PLEKHH2: variants seen among roughly 807,000 people sequenced by gnomAD.
PLEKHH2 encodes pleckstrin homology domain-containing family H member 2.
In PLEKHH2, 129 loss-of-function variants were observed where a neutral mutation model predicts 187.9. The ratio of observed to expected loss-of-function variants is 0.69; its 90% CI spans 0.59 to 0.79. The LOEUF is 0.79. Among genes scored for constraint, PLEKHH2 ranks in the 30% least tolerant of loss-of-function variants. PLEKHH2 has a pLI of 0.00. For missense variants in PLEKHH2, 2,076 were observed against 1,751.2 expected, an observed-to-expected ratio of 1.19 and a Z score of -3.31; for synonymous variants, 686 against 605.6, an observed-to-expected ratio of 1.13 and a Z score of -1.95.
chr2:43,659,337 G>C (rs1222391864), intron 2 of PLEKHH2, among the ~76,000 whole-genome samples: 1 of 151,208 alleles, frequency 6.6e-6, no homozygotes, highest in African/African-American at 2.4e-5. Context: ...GGTCGTTCTT[G>C]TTTAACACCT....
chr2:43,697,217 G>A lies in PLEKHH2; in HGVS notation c.549G>A (p.Ser183=), dbSNP rs573104156. The change falls in exon 7 of 30, where the codon TCG becomes TCA. Residue 183 remains serine, a synonymous_variant. Transcript: ENST00000282406. The part of the protein sequence containing the change: ...KSSTVSTLKL[S]EGQRLSSLTF... ...CCACTGTCTCTACACTAAAGCTTTCGGAAGGCCAGCGCCTGAGCAGTTTGA... is the reference window on the plus strand; with the variant it reads ...CCACTGTCTCTACACTAAAGCTTTCAGAAGGCCAGCGCCTGAGCAGTTTGA... 1.6e-5 allele frequency: 25 copies of A among 1,612,402 alleles called. No homozygotes were observed. The highest frequency in any genetic ancestry group is 6.7e-5 in the Admixed American group (4 of 59,780).
chr2:43,749,150 TAA>T (rs373457792), intron 24 of PLEKHH2, among the ~76,000 whole-genome samples: 36 of 152,286 alleles, frequency 2.4e-4, no homozygotes, highest in African/African-American at 8.4e-4. Flanking sequence ...GAAATTTGGA[TAA>T]AATTTGGATA....
At chr2:43,641,767 G>T (rs1665945999) in intron 1 of PLEKHH2, among the ~76,000 whole-genome samples, 1 of 152,100 alleles carries the variant, frequency 6.6e-6, no homozygotes, top group Non-Finnish European at 1.5e-5. Flanking sequence ...TCCCCCATTG[G>T]ATGATCTTAT....
In PLEKHH2 at chr2:43,713,118, G is replaced by C. The variant is rs377040795; in HGVS notation, c.2460+735G>C. Among the ~76,000 whole-genome samples the C allele has an allele frequency of 3.9e-5, 4 of 102,594 alleles. No homozygotes were observed. In the South Asian group the frequency reaches 7.9e-4, roughly 20 times the overall value. 67.3% of individuals were successfully genotyped at this position (102,594 alleles called of 152,430 possible). On this transcript the variant is annotated intron_variant, in intron 15 of 29. Transcript: ENST00000282406. ...CAAATCAACACACACACACACACACGCATATATATCTCCTTTGATCCAGCA... is the reference window on the plus strand; with the variant it reads ...CAAATCAACACACACACACACACACCCATATATATCTCCTTTGATCCAGCA...
chr2:43,720,752 A>G lies in PLEKHH2; in HGVS notation c.2541+3A>G, dbSNP rs755768117. ...ATTTTCGGAGTCAAGAAGATAAGGT[A>G]TGTATGTATTTTTAATATGCCAATT... On this transcript the variant is annotated splice_donor_region_variant and intron_variant, in intron 16 of 29. Coordinates refer to ENST00000282406, the MANE Select transcript of PLEKHH2 (RefSeq NM_172069.4). The G allele has an allele frequency of 1.3e-5, 21 of 1,599,714 alleles. No individual in the cohort carries two copies. The highest frequency in any genetic ancestry group is 1.8e-5 in the Non-Finnish European group (21 of 1,175,944).
Position 43,700,357 on chromosome 2 carries a change from A to G in PLEKHH2, c.1399A>G (p.Arg467Gly), listed in dbSNP as rs1329149259. ...AAGCCAGCCACAGTTAAGCTCTGAC[A>G]GGATGTTTGGTACAAATAGAAACGC... is the stretch of plus-strand genomic sequence containing the variant. ...HLSQPQLSSDRMFGTNRNAIS... is the reference protein window; with the variant it reads ...HLSQPQLSSDGMFGTNRNAIS... The change falls in exon 8 of 30, where the codon AGG becomes GGG. Residue 467 changes from arginine to glycine, a missense_variant. Coordinates refer to ENST00000282406, the MANE Select transcript of PLEKHH2 (RefSeq NM_172069.4). 1.2e-6 allele frequency: 2 copies of G among 1,614,220 alleles called. No individual in the cohort carries two copies. The highest frequency in any genetic ancestry group is 1.1e-5 in the South Asian group (1 of 91,078).
chr2:43,672,419 G>A (rs1259742880), intron 2 of PLEKHH2, among the ~76,000 whole-genome samples: 1 of 151,488 alleles, frequency 6.6e-6, no homozygotes, highest in Non-Finnish European at 1.5e-5. Context: ...ATTTCTGTTG[G>A]CTTTAGGTTT....
chr2:43,764,593 C>CCCTA (rs554268576), intron 29 of PLEKHH2, among the ~76,000 whole-genome samples: 140 of 152,244 alleles, frequency 9.2e-4, no homozygotes, highest in Non-Finnish European at 1.3e-3. Flanking sequence ...GTAACATACT[C>CCCTA]CCTACTTCTT....
chr2:43,756,821 T>G (rs1451969442), intron 25 of PLEKHH2, among the ~76,000 whole-genome samples: 1 of 152,056 alleles, frequency 6.6e-6, no homozygotes, highest in African/African-American at 2.4e-5. Context: ...TGGTGGTATA[T>G]GCCTGTAGTC....
chr2:43,659,778 C>G (rs536517744), intron 2 of PLEKHH2, among the ~76,000 whole-genome samples: 1 of 151,938 alleles, frequency 6.6e-6, no homozygotes, highest in African/African-American at 2.4e-5. Context: ...AGGCTGGTCT[C>G]GAACTCCTGA....
At chr2:43,740,018 G>A (rs1671487525) in intron 20 of PLEKHH2, among the ~76,000 whole-genome samples, 1 of 152,134 alleles carries the variant, frequency 6.6e-6, no homozygotes, top group South Asian at 2.1e-4. Flanking sequence ...CTAGACTGTA[G>A]GTTCCTTAAG....
intron 2 of PLEKHH2, among the ~76,000 whole-genome samples, chr2:43,645,727 C>G (rs1039500739): frequency 6.6e-6 from 1 of 151,992 alleles, no homozygotes; most frequent in Non-Finnish European, 1.5e-5. Context: ...ACTTTTTAAA[C>G]GTGTGTATTA....
chr2:43,686,711 AT>A (rs1244774153), intron 3 of PLEKHH2, among the ~76,000 whole-genome samples: 3 of 152,238 alleles, frequency 2.0e-5, no homozygotes, highest in African/African-American at 7.2e-5. Flanking sequence ...TGTGTTGTAA[AT>A]GTGATTAGAA....
At position 43,767,603 on chromosome 2, in the gene PLEKHH2, T is replaced by G. The variant is rs1180668337; in HGVS notation, c.*2005T>G. 1.3e-5 allele frequency: 2 copies of G among 152,580 alleles called. No individual in the cohort carries two copies. The highest frequency in any genetic ancestry group is 3.7e-4 in the East Asian group (2 of 5,334). The allele number at this position is 152,580 out of a possible 1,614,324, so 9.5% of individuals were successfully genotyped here. A position where few individuals can be genotyped will look rare whatever the true frequency, so the allele number is the denominator to read the frequency against. ...TCCTAGAGAGCCATTTAATAATTAG[T>G]TGGTGAGCCAGAGGCTTGACAGAGC... On this transcript the variant is annotated 3_prime_UTR_variant, in exon 30 of 30. Coordinates refer to ENST00000282406, the MANE Select transcript of PLEKHH2 (RefSeq NM_172069.4).
intron 2 of PLEKHH2, among the ~76,000 whole-genome samples, chr2:43,672,306 T>C (rs1667532956): frequency 6.6e-6 from 1 of 152,232 alleles, no homozygotes; most frequent in Admixed American, 6.5e-5. Flanking sequence ...ATCAATTGTA[T>C]TGATATTTTT....
chr2:43,700,124 AATTTC>A lies in PLEKHH2; in HGVS notation c.1168_1172del (p.Phe390IlefsTer12). On this transcript the variant is annotated frameshift_variant, in exon 8 of 30. Coordinates refer to ENST00000282406, the MANE Select transcript of PLEKHH2 (RefSeq NM_172069.4). LOFTEE classifies it high-confidence loss of function. ...AGTTCCTCGGATGAACTGAATAAAA[AATTTC>A]AATCCCAGAGACTCGATTATTCATC... 1 of 1,614,184 alleles carries A rather than the reference AATTTC, an allele frequency of 6.2e-7. No homozygotes were observed. Among genetic ancestry groups the A allele is most frequent in the African/African-American group, 1.3e-5 (1 of 75,046 alleles).
intron 2 of PLEKHH2, among the ~76,000 whole-genome samples, chr2:43,655,231 T>C (rs1387441342): frequency 6.6e-6 from 1 of 151,872 alleles, no homozygotes; most frequent in Non-Finnish European, 1.5e-5. Flanking sequence ...AAATACTTTA[T>C]AACAGAATAG....
rs1447363212 is a variant in PLEKHH2 at position 43,729,636 on chromosome 2, G to T, written c.2722-1G>T. 6.3e-6 allele frequency: 10 copies of T among 1,575,162 alleles called. No homozygotes were observed. Among genetic ancestry groups the T allele is most frequent in the Non-Finnish European group, 8.6e-6 (10 of 1,163,090 alleles). Reference sequence around the variant, plus strand: ...TTTAATTAATATGTTCTGGTTTTAAGGACACTTGGCTTTATCATCTGACTG... The same window carrying T: ...TTTAATTAATATGTTCTGGTTTTAATGACACTTGGCTTTATCATCTGACTG... On this transcript the variant is annotated splice_acceptor_variant, in intron 17 of 29. Transcript: ENST00000282406. LOFTEE classifies it high-confidence loss of function.
intron 10 of PLEKHH2, among the ~76,000 whole-genome samples, chr2:43,707,079 C>G (rs963830770): frequency 4.0e-5 from 6 of 151,148 alleles, no homozygotes; most frequent in Admixed American, 4.0e-4. Flanking sequence ...GCCTGTAATC[C>G]CAGCTACTCA....
Sources: gnomAD v4.1 joint callset for allele counts (sites outside exome capture counted in the v4.1 genomes callset) on GRCh38, gnomAD v4.1.1 for gene constraint, MANE v1.5 for transcripts, NCBI Gene and HGNC (gene_info 2026-07-23, HGNC 2026-07-21) for gene names.